SMAD3: variants seen among roughly 807,000 people sequenced by gnomAD.
SMAD3 encodes the protein MAD homolog 3.
A neutral mutation model predicts 51.8 loss-of-function variants in SMAD3; 12 were observed. That is an observed-to-expected ratio of 0.23 (90% confidence interval 0.15 to 0.38). SMAD3 has a LOEUF of 0.38. SMAD3 is among the 10% of genes least tolerant of loss of function. SMAD3 has a pLI of 1.00. For missense variants in SMAD3, 294 were observed against 565.6 expected (o/e 0.52, Z 4.87); for synonymous variants, 238 against 227.7 (o/e 1.05, Z -0.41).
intron 1 of SMAD3, among the ~76,000 whole-genome samples, chr15:67,118,051 C>T (rs1156714134): frequency 2.0e-5 from 3 of 152,188 alleles, no homozygotes; most frequent in East Asian, 1.9e-4. Flanking sequence ...GAGATCGCAC[C>T]GTTGCATTCC....
chr15:67,116,360 T>C lies in SMAD3; in HGVS notation c.207-48535T>C, dbSNP rs77004450. Among the ~76,000 whole-genome samples, 333 of 152,352 alleles carry C rather than the reference T, an allele frequency of 2.2e-3. 4 individuals carry two copies. The highest frequency in any genetic ancestry group is 0.017 in the Admixed American group (263 of 15,308). Reference sequence around the variant, plus strand: ...CACGTTGTCCTAGGATGCAGATTCCTACCAGGCCTTCAAGGCTTGTAGAAA... The same window carrying C: ...CACGTTGTCCTAGGATGCAGATTCCCACCAGGCCTTCAAGGCTTGTAGAAA... On this transcript the variant is annotated intron_variant, in intron 1 of 8. Transcript: ENST00000327367.
chr15:67,193,937 A>C lies in SMAD3; in HGVS notation c.*3401A>C, dbSNP rs1963433975. On this transcript the variant is annotated 3_prime_UTR_variant, in exon 9 of 9. Coordinates refer to ENST00000327367, the MANE Select transcript of SMAD3 (RefSeq NM_005902.4). The stretch of plus-strand genomic sequence containing the variant: ...TGGGGAAGAAGCAAAGATCTGTTTC[A>C]TTCTTAGCCTCAGGCCTCATGAGGG... 4.3e-6 allele frequency: 1 copy of C among 233,144 alleles called. No homozygotes were observed. Among genetic ancestry groups the C allele is most frequent in the Non-Finnish European group, 8.5e-6 (1 of 117,962 alleles). The allele number at this position is 233,144 out of a possible 1,614,324, so 14.4% of individuals were successfully genotyped here. A position where few individuals can be genotyped will look rare whatever the true frequency, so the allele number is the denominator to read the frequency against.
intron 1 of SMAD3, among the ~76,000 whole-genome samples, chr15:67,148,622 T>G (rs913201866): frequency 6.6e-6 from 1 of 152,190 alleles, no homozygotes; most frequent in Non-Finnish European, 1.5e-5. Context: ...TGTTTTTAAT[T>G]GCACCTCTCA....
At chr15:67,077,232 T>C (rs1960189786) in intron 1 of SMAD3, among the ~76,000 whole-genome samples, 2 of 152,148 alleles carry the variant, frequency 1.3e-5, no homozygotes, top group East Asian at 3.8e-4. Flanking sequence ...TATGTATGTA[T>C]GTATGTACGT....
At chr15:67,189,259 C>G (rs1156327450) in intron 8 of SMAD3, among the ~76,000 whole-genome samples, 3 of 152,290 alleles carry the variant, frequency 2.0e-5, no homozygotes, top group East Asian at 3.9e-4. Context: ...CTCAGGTACC[C>G]TCGCTCGTGC....
chr15:67,188,875 C>G lies in SMAD3; in HGVS notation c.1154+1366C>G, dbSNP rs76427727. Among the ~76,000 whole-genome samples the G allele has an allele frequency of 4.1e-3, 620 of 152,362 alleles. 3 individuals carry two copies. Among genetic ancestry groups the G allele is most frequent in the African/African-American group, 0.015 (606 of 41,580 alleles). On this transcript the variant is annotated intron_variant, in intron 8 of 8. Coordinates refer to ENST00000327367, the MANE Select transcript of SMAD3 (RefSeq NM_005902.4). ...TTTCATCCTGTAAAATCCTCCTCTT[C>G]CACTTACCGTATTTTAGCTGCTGTT... is the stretch of plus-strand genomic sequence containing the variant.
chr15:67,180,661 G>A (rs1450962656), intron 5 of SMAD3, among the ~76,000 whole-genome samples: 5 of 151,830 alleles, frequency 3.3e-5, no homozygotes, highest in Admixed American at 2.0e-4. Flanking sequence ...AACCCACTCG[G>A]CTGCTGCAGG....
At chr15:67,086,384 C>T (rs1960394507) in intron 1 of SMAD3, among the ~76,000 whole-genome samples, 1 of 152,112 alleles carries the variant, frequency 6.6e-6, no homozygotes, top group African/African-American at 2.4e-5. Context: ...TATCTACAGC[C>T]TAAGAAATCT....
At chr15:67,145,550 G>A (rs1049306982) in intron 1 of SMAD3, among the ~76,000 whole-genome samples, 3 of 152,144 alleles carry the variant, frequency 2.0e-5, no homozygotes, top group African/African-American at 7.2e-5. Context: ...CAGTAATAAC[G>A]TTAAAATTCA....
At chr15:67,130,021 G>A (rs1391163298) in intron 1 of SMAD3, among the ~76,000 whole-genome samples, 1 of 152,212 alleles carries the variant, frequency 6.6e-6, no homozygotes, top group African/African-American at 2.4e-5. Flanking sequence ...CTAGTGAGGA[G>A]CCGGGTGGGA....
chr15:67,104,816 C>T (rs1960841005), intron 1 of SMAD3, among the ~76,000 whole-genome samples: 1 of 152,272 alleles, frequency 6.6e-6, no homozygotes, highest in Admixed American at 6.5e-5. Flanking sequence ...AACTGCATTG[C>T]AGGAATGAAG....
At chr15:67,129,486 T>C (rs1428246512) in intron 1 of SMAD3, among the ~76,000 whole-genome samples, 1 of 144,838 alleles carries the variant, frequency 6.9e-6, no homozygotes, top group Non-Finnish European at 1.5e-5. Context: ...ATTTCATTAT[T>C]AGTTATTGTT....
At chr15:67,145,321 A>G (rs1961946237) in intron 1 of SMAD3, among the ~76,000 whole-genome samples, 1 of 152,168 alleles carries the variant, frequency 6.6e-6, no homozygotes, top group Non-Finnish European at 1.5e-5. Context: ...TTAGACCTTC[A>G]TTTTCACAAT....
intron 3 of SMAD3, 38 bp from the exon 4 acceptor site, chr15:67,166,740 GA>G: frequency 1.4e-6 from 2 of 1,415,950 alleles, no homozygotes; most frequent in Non-Finnish European, 9.8e-7. Context: ...GCCAAGCTGT[GA>G]AGGCCTTTTA....
chr15:67,188,142 CT>C (rs1200876058), intron 8 of SMAD3, among the ~76,000 whole-genome samples: 88 of 110,584 alleles, frequency 8.0e-4, no homozygotes, highest in African/African-American at 3.1e-3. Flanking sequence ...GTTTCTTTTT[CT>C]TTTTCTTTTT....
At chr15:67,067,375 G>T (rs900659096) in intron 1 of SMAD3, among the ~76,000 whole-genome samples, 3 of 152,198 alleles carry the variant, frequency 2.0e-5, no homozygotes, top group African/African-American at 7.2e-5. Flanking sequence ...GCTGGGAACT[G>T]GGGGTGCGGG....
chr15:67,193,083 C>G lies in SMAD3; in HGVS notation c.*2547C>G, dbSNP rs72661161. The G allele has an allele frequency of 8.6e-6, 2 of 233,020 alleles. No individual in the cohort carries two copies. Among genetic ancestry groups the G allele is most frequent in the Non-Finnish European group, 1.7e-5 (2 of 117,962 alleles). 14.4% of individuals were successfully genotyped at this position (233,020 alleles called of 1,614,324 possible). ...TAGAGTGCTACATAGGTGCTTTGGGCGTATGTAACATTAGTGTCCTTCCTT... is the reference window on the plus strand; with the variant it reads ...TAGAGTGCTACATAGGTGCTTTGGGGGTATGTAACATTAGTGTCCTTCCTT... On this transcript the variant is annotated 3_prime_UTR_variant, in exon 9 of 9. Coordinates refer to ENST00000327367, the MANE Select transcript of SMAD3 (RefSeq NM_005902.4).
At chr15:67,175,389 C>A (rs1399268249) in intron 5 of SMAD3, among the ~76,000 whole-genome samples, 1 of 152,136 alleles carries the variant, frequency 6.6e-6, no homozygotes, top group Non-Finnish European at 1.5e-5. Context: ...GGATGCAGTG[C>A]TTCAGACTGA....
chr15:67,105,792 T>C (rs947000046), intron 1 of SMAD3, among the ~76,000 whole-genome samples: 8 of 152,206 alleles, frequency 5.3e-5, no homozygotes, highest in African/African-American at 1.7e-4. Flanking sequence ...TAATGCCTCC[T>C]GTTGCCCTAG....
Sources: allele counts gnomAD v4.1 joint callset (sites outside exome capture counted in the v4.1 genomes callset), GRCh38; gene constraint gnomAD v4.1.1; transcripts MANE v1.5; gene names NCBI Gene and HGNC (gene_info 2026-07-23, HGNC 2026-07-21).